SLC4A10: variants seen among roughly 807,000 people sequenced by gnomAD.
SLC4A10 encodes the protein sodium-driven chloride bicarbonate exchanger.
Under a neutral mutation model 137.7 loss-of-function variants are expected in SLC4A10, and 42 were observed. The observed-to-expected ratio is 0.30, with a 90% CI of 0.24 to 0.39. SLC4A10 has a LOEUF of 0.39. SLC4A10 is among the 10% of genes least tolerant of loss of function. SLC4A10 has a pLI of 1.00. For missense variants in SLC4A10, 925 were observed against 1,355.0 expected (o/e 0.68, Z 4.98); for synonymous variants, 474 against 464.1 (o/e 1.02, Z -0.27).
intron 1 of SLC4A10, among the ~76,000 whole-genome samples, chr2:161,753,695 C>T (rs2049248071): frequency 6.6e-6 from 1 of 151,934 alleles, no homozygotes; most frequent in Non-Finnish European, 1.5e-5. Flanking sequence ...AATTATCAAA[C>T]TTTACTTGTT....
intron 21 of SLC4A10, among the ~76,000 whole-genome samples, chr2:161,961,926 G>GA (rs1696795852): frequency 5.3e-5 from 8 of 152,158 alleles, no homozygotes; most frequent in Admixed American, 5.2e-4. Flanking sequence ...CAGTGTTCGT[G>GA]AAAATTTAAG....
rs147348945 is a variant in SLC4A10, at chr2:161,743,356, C to T, written c.49-27617C>T. 2.7e-4 allele frequency among the ~76,000 whole-genome samples: 41 copies of T among 152,226 alleles called. No homozygotes were observed. The East Asian group carries it at 7.9e-3, about 29-fold the overall frequency. On this transcript the variant is annotated intron_variant, in intron 1 of 26. Transcript: ENST00000446997. The stretch of plus-strand genomic sequence containing the variant: ...ACATAAGAATATCCAGTTTTCCCAG[C>T]ACCATTTATTGAAGAGACTGTCCTT...
chr2:161,970,661 C>T (rs1698365684), intron 23 of SLC4A10, among the ~76,000 whole-genome samples: 1 of 152,268 alleles, frequency 6.6e-6, no homozygotes, highest in East Asian at 1.9e-4. Flanking sequence ...AGGGCTCCTA[C>T]ATAGATACAC....
intron 15 of SLC4A10, among the ~76,000 whole-genome samples, chr2:161,933,324 T>C (rs1690939824): frequency 6.6e-6 from 1 of 150,848 alleles, no homozygotes; most frequent in Non-Finnish European, 1.5e-5. Context: ...TTCTCTCTCT[T>C]TTCTCTTTTT....
At chr2:161,797,644 T>A (rs7577037) in intron 2 of SLC4A10, among the ~76,000 whole-genome samples, 10,001 of 151,794 alleles carry the variant, frequency 0.066, 387 homozygotes, top group African/African-American at 0.1. Flanking sequence ...TCATTTTTTT[T>A]ATAAGAAAAC....
At position 161,950,690 on chromosome 2, in the gene SLC4A10, A is replaced by C. The variant is rs1237003487; in HGVS notation, c.2383A>C (p.Thr795Pro). The change falls in exon 19 of 27, where the codon ACT (threonine) becomes CCT (proline). Residue 795 changes from threonine to proline, a missense_variant. Thr to Pro is a conservative substitution (Grantham distance 38, BLOSUM62 -1). This residue lies in a region of SLC4A10 where 82 missense variants were observed against 151.4 expected (regional missense o/e 0.54). Coordinates refer to ENST00000446997, the MANE Select transcript of SLC4A10 (RefSeq NM_001178015.2). ...GCACATTCTTTACTTTATACAGCCC[A>C]CTAGAGATGATCGTGGCTGGTTTGT... ...KLQVPSVFKP[T>P]RDDRGWFVTP... 1 of 1,583,184 alleles carries C rather than the reference A, an allele frequency of 6.3e-7. No homozygotes were observed.
intron 1 of SLC4A10, among the ~76,000 whole-genome samples, chr2:161,667,369 G>A (rs2039166801): frequency 6.6e-6 from 1 of 151,666 alleles, no homozygotes. Context: ...TGCCTTCCAA[G>A]GGCTTAGACT....
chr2:161,770,787 A>G (rs2051493343), intron 1 of SLC4A10, among the ~76,000 whole-genome samples, 186 bp from the exon 2 acceptor site: 1 of 151,932 alleles, frequency 6.6e-6, no homozygotes, highest in African/African-American at 2.4e-5. Context: ...TTCTTCAAAT[A>G]TGTGGTCAAA....
At chr2:161,726,637 G>T (rs536461094) in intron 1 of SLC4A10, among the ~76,000 whole-genome samples, 2 of 152,146 alleles carry the variant, frequency 1.3e-5, no homozygotes, top group Non-Finnish European at 2.9e-5. Flanking sequence ...CGCCGGGTGC[G>T]GTGGCTCACA....
intron 2 of SLC4A10, among the ~76,000 whole-genome samples, chr2:161,777,696 C>T (rs1223214372): frequency 6.6e-6 from 1 of 151,908 alleles, no homozygotes; most frequent in Non-Finnish European, 1.5e-5. Context: ...GACCCATTTA[C>T]TGTCACGAGA....
At chr2:161,743,439 A>T (rs919264633) in intron 1 of SLC4A10, among the ~76,000 whole-genome samples, 2 of 151,906 alleles carry the variant, frequency 1.3e-5, no homozygotes, top group African/African-American at 4.8e-5. Context: ...AGATGTATGG[A>T]TTTATGTTTG....
intron 1 of SLC4A10, among the ~76,000 whole-genome samples, chr2:161,741,171 GGAA>G (rs1486068464): frequency 6.6e-6 from 1 of 151,284 alleles, no homozygotes; most frequent in Non-Finnish European, 1.5e-5. Flanking sequence ...AGGCTGAAGT[GGAA>G]GGATTCCTGG....
rs184249001 is a variant in SLC4A10 at position 161,864,184 on chromosome 2, A to T, written c.766+1122A>T. Among the ~76,000 whole-genome samples, 457 of 152,256 alleles carry T rather than the reference A, an allele frequency of 3.0e-3. 1 individual carries two copies. Among genetic ancestry groups the T allele is most frequent in the African/African-American group, 0.01 (436 of 41,546 alleles). On this transcript the variant is annotated intron_variant, in intron 6 of 26. Transcript: ENST00000446997. The stretch of plus-strand genomic sequence containing the variant: ...GCCACTGCACTCCAGCCTGGGCTAC[A>T]CAGCTAGACTCTGTCTCAAAAAAAA...
At chr2:161,813,438 A>G (rs2056745734) in intron 3 of SLC4A10, among the ~76,000 whole-genome samples, 1 of 152,142 alleles carries the variant, frequency 6.6e-6, no homozygotes, top group African/African-American at 2.4e-5. Context: ...CACCACCATG[A>G]TAAAGAAGGA....
At chr2:161,765,856 G>A (rs1332375799) in intron 1 of SLC4A10, among the ~76,000 whole-genome samples, 1 of 152,040 alleles carries the variant, frequency 6.6e-6, no homozygotes, top group Non-Finnish European at 1.5e-5. Context: ...GCTGGCACCT[G>A]GTGCTGTATG....
chr2:161,706,810 A>G (rs2043719647), intron 1 of SLC4A10, among the ~76,000 whole-genome samples: 1 of 151,562 alleles, frequency 6.6e-6, no homozygotes, highest in Non-Finnish European at 1.5e-5. Context: ...TTTTAACAGT[A>G]CTTCCCTAAG....
chr2:161,832,153 C>A (rs139964799), intron 3 of SLC4A10, among the ~76,000 whole-genome samples: 9 of 152,300 alleles, frequency 5.9e-5, no homozygotes, highest in Non-Finnish European at 8.8e-5. Flanking sequence ...TGTCACATAT[C>A]CCGCTACATG....
chr2:161,733,219 C>G (rs1341895254), intron 1 of SLC4A10, among the ~76,000 whole-genome samples: 1 of 152,162 alleles, frequency 6.6e-6, no homozygotes, highest in Non-Finnish European at 1.5e-5. Context: ...GGTAGCCACT[C>G]CCATCACAGG....
intron 4 of SLC4A10, among the ~76,000 whole-genome samples, chr2:161,852,612 T>C (rs1164358369): frequency 6.6e-6 from 1 of 152,190 alleles, no homozygotes. Flanking sequence ...CAACTTAAGA[T>C]TGGCTCCAGA....
Sources: gnomAD v4.1 joint callset for allele counts (sites outside exome capture counted in the v4.1 genomes callset) on GRCh38, gnomAD v4.1.1 for gene constraint, gnomAD v4.1.1 regional missense constraint, MANE v1.5 for transcripts, NCBI Gene and HGNC (gene_info 2026-07-23, HGNC 2026-07-21) for gene names.